TNC: variants seen among roughly 807,000 people sequenced by gnomAD.
The protein encoded by TNC is tenascin C.
In TNC, 109 loss-of-function variants were observed where a neutral mutation model predicts 202.4. That is an observed-to-expected ratio of 0.54 (90% CI 0.46 to 0.63). TNC has a LOEUF of 0.63. Among genes scored for constraint, TNC ranks in the 30% least tolerant of loss-of-function variants. The pLI, the probability that TNC is intolerant of heterozygous loss-of-function variation, is 0.00. For synonymous variants in TNC, 1,007 were observed against 1,089.7 expected (o/e 0.92, Z 1.50); for missense variants, 2,756 against 2,833.3 (o/e 0.97, Z 0.62).
intron 10 of TNC, among the ~76,000 whole-genome samples, chr9:115,069,407 A>AGAGAG (rs1349456680): frequency 4.6e-5 from 7 of 151,498 alleles, no homozygotes; most frequent in Admixed American, 4.6e-4. Context: ...GAAAAGGGAG[A>AGAGAG]GAGAGGAGAG....
intron 1 of TNC, among the ~76,000 whole-genome samples, chr9:115,104,007 G>A (rs1836427962): frequency 6.6e-6 from 1 of 152,128 alleles, no homozygotes; most frequent in Non-Finnish European, 1.5e-5. Context: ...CCCTGGTGTG[G>A]TCTGGTTTCA....
rs1323964425 is a variant in TNC, at chr9:115,031,833, C to T, written c.5788-148G>A. 4.1e-6 allele frequency: 4 copies of T among 967,026 alleles called. No individual in the cohort carries two copies. In the East Asian group the frequency reaches 1.1e-4, roughly 26 times the overall value. The allele number at this position is 967,026 out of a possible 1,614,324, so 59.9% of individuals were successfully genotyped here. On this transcript the variant is annotated intron_variant, in intron 22 of 27. Coordinates refer to ENST00000350763, the MANE Select transcript of TNC (RefSeq NM_002160.4). ...CATTGAGTACCCACTCTCTACCAGG[C>T]TCCATGTGCACTGCTGAGATATCAG...
At chr9:115,052,693 C>T in intron 15 of TNC, 1 of 660,248 alleles carries the variant, frequency 1.5e-6, no homozygotes, top group South Asian at 1.6e-5. Flanking sequence ...GATGACTTAT[C>T]TCCTTTTCTC....
chr9:115,094,375 C>G (rs1205995731), intron 1 of TNC, among the ~76,000 whole-genome samples: 1 of 152,052 alleles, frequency 6.6e-6, no homozygotes, highest in Non-Finnish European at 1.5e-5. Flanking sequence ...TTTACTAGAA[C>G]TAGAAATATT....
chr9:115,064,849 G>A lies in TNC; in HGVS notation c.3285C>T (p.Thr1095=), dbSNP rs761344117. ...AGTGCTCATAGGCCTGGTCAGCTGC[G>A]GTCCAGTTGAGTCTGAGGCCATCCC... ...VGWDGLRLNW[T]AADQAYEHFI... The change falls in exon 11 of 28, where the codon ACC becomes ACT. Residue 1095 remains threonine, a synonymous_variant. Transcript: ENST00000350763. 5.7e-5 allele frequency: 92 copies of A among 1,613,974 alleles called. No individual in the cohort carries two copies. Among genetic ancestry groups the A allele is most frequent in the Admixed American group, 1.2e-4 (7 of 59,996 alleles).
intron 17 of TNC, among the ~76,000 whole-genome samples, chr9:115,045,359 T>C (rs1235261017): frequency 6.6e-6 from 1 of 152,074 alleles, no homozygotes; most frequent in Non-Finnish European, 1.5e-5. Flanking sequence ...GTCATATTAT[T>C]ACTACTGTTA....
At chr9:115,060,677 CAT>C (rs1832476793) in intron 13 of TNC, among the ~76,000 whole-genome samples, 1 of 152,198 alleles carries the variant, frequency 6.6e-6, no homozygotes, top group African/African-American at 2.4e-5. Context: ...AAGATTATCT[CAT>C]CACTAGCCAC....
intron 17 of TNC, among the ~76,000 whole-genome samples, chr9:115,045,444 A>G (rs1831101114): frequency 6.6e-6 from 1 of 151,934 alleles, no homozygotes; most frequent in African/African-American, 2.4e-5. Context: ...ACAGCTCACC[A>G]CAGCCTTAAC....
Position 115,059,936 on chromosome 9 carries a change from C to T in TNC, c.4100G>A (p.Trp1367Ter). The change falls in exon 14 of 28, where the codon TGG (tryptophan) becomes TAG (stop). Residue 1367 changes from tryptophan to a stop codon, truncating the protein, a stop_gained. Coordinates refer to ENST00000350763, the MANE Select transcript of TNC (RefSeq NM_002160.4). LOFTEE classifies it high-confidence loss of function. ...CTCATAGGCATTGTCAGCTGCGGTCCAGTTGAGTCTGAGGCCATCCCAGCC... is the reference window on the plus strand; with the variant it reads ...CTCATAGGCATTGTCAGCTGCGGTCTAGTTGAGTCTGAGGCCATCCCAGCC... Reference protein sequence around the residue: ...EVGWDGLRLNWTAADNAYEHF... With the variant: ...EVGWDGLRLN 6.2e-7 allele frequency: 1 copy of T among 1,614,094 alleles called. No individual in the cohort carries two copies. The highest frequency in any genetic ancestry group is 1.1e-5 in the South Asian group (1 of 91,076).
At chr9:115,075,862 G>A (rs1196713789) in intron 9 of TNC, among the ~76,000 whole-genome samples, 170 bp downstream of exon 9, 1 of 152,158 alleles carries the variant, frequency 6.6e-6, no homozygotes, top group East Asian at 1.9e-4. Context: ...CATACAGATG[G>A]ACCGTACTTA....
At chr9:115,069,265 T>A (rs1833177573) in intron 10 of TNC, among the ~76,000 whole-genome samples, 1 of 152,234 alleles carries the variant, frequency 6.6e-6, no homozygotes, top group Non-Finnish European at 1.5e-5. Flanking sequence ...TATGTTGCTA[T>A]GAAAATATGC....
At chr9:115,101,117 C>T (rs1836200468) in intron 1 of TNC, among the ~76,000 whole-genome samples, 1 of 152,164 alleles carries the variant, frequency 6.6e-6, no homozygotes, top group South Asian at 2.1e-4. Flanking sequence ...ACGTGCCAAG[C>T]CCTGAGTTAA....
At chr9:115,112,210 A>G (rs1037267532) in intron 1 of TNC, among the ~76,000 whole-genome samples, 2 of 152,194 alleles carry the variant, frequency 1.3e-5, no homozygotes, top group Admixed American at 6.5e-5. Flanking sequence ...GAGTCAGAAG[A>G]CCTAGGATTC....
chr9:115,075,969 A>G (rs1373090341), intron 9 of TNC, 63 bp downstream of exon 9: 1 of 1,476,192 alleles, frequency 6.8e-7, no homozygotes, highest in South Asian at 1.1e-5. Context: ...TTTTGGCCAC[A>G]TTGACTCTGT....
chr9:115,085,933 T>C lies in TNC; in HGVS notation c.1798A>G (p.Asn600Asp), dbSNP rs756008710. ...CGGCCCGAGACGCATTGTCCTAAGTTGTTGCAGTCACTGGGGCAGGAGTGC... is the reference window on the plus strand; with the variant it reads ...CGGCCCGAGACGCATTGTCCTAAGTCGTTGCAGTCACTGGGGCAGGAGTGC... ...GQHSCPSDCN[N>D]LGQCVSGRCI... The change falls in exon 3 of 28, where the codon AAC becomes GAC. Residue 600 changes from asparagine to aspartate, a missense_variant. Physicochemically the swap from Asn to Asp is conservative, Grantham distance 23. Transcript: ENST00000350763. 6.2e-7 allele frequency: 1 copy of C among 1,613,938 alleles called. No homozygotes were observed. The highest frequency in any genetic ancestry group is 2.2e-5 in the East Asian group (1 of 44,862).
chr9:115,073,573 G>A, intron 10 of TNC, 30 bp downstream of exon 10: 1 of 1,599,436 alleles, frequency 6.3e-7, no homozygotes, highest in African/African-American at 1.3e-5. Flanking sequence ...AATCAACCTA[G>A]AGTTTGGAGG....
chr9:115,074,810 A>T (rs769154792), intron 9 of TNC, among the ~76,000 whole-genome samples: 1 of 152,208 alleles, frequency 6.6e-6, no homozygotes, highest in Non-Finnish European at 1.5e-5. Context: ...ATACACACAC[A>T]TACGAATGAG....
At chr9:115,103,200 T>C (rs188190425) in intron 1 of TNC, among the ~76,000 whole-genome samples, 1 of 152,332 alleles carries the variant, frequency 6.6e-6, no homozygotes, top group Non-Finnish European at 1.5e-5. Flanking sequence ...AGCTCAGTAC[T>C]TTCTACTTTG....
chr9:115,044,887 G>C (rs1831058493), intron 17 of TNC, among the ~76,000 whole-genome samples: 1 of 152,112 alleles, frequency 6.6e-6, no homozygotes, highest in South Asian at 2.1e-4. Flanking sequence ...CCACTTATTA[G>C]GTCCTGAAAA....
Sources: gnomAD v4.1 joint callset for allele counts (sites outside exome capture counted in the v4.1 genomes callset) on GRCh38, gnomAD v4.1.1 for gene constraint, MANE v1.5 for transcripts, NCBI Gene and HGNC (gene_info 2026-07-23, HGNC 2026-07-21) for gene names.